NOP2: variants seen among roughly 807,000 people sequenced by gnomAD.
The protein encoded by NOP2 is 28S rRNA (cytosine(4447)-C(5))-methyltransferase.
In NOP2, 7 loss-of-function variants were observed where a neutral mutation model predicts 72.7. The ratio of observed to expected loss-of-function variants is 0.10; its 90% confidence interval spans 0.05 to 0.18. The LOEUF (loss-of-function observed/expected upper bound fraction) is 0.18. NOP2 is among the 10% of genes least tolerant of loss of function. NOP2 has a pLI of 1.00. For synonymous variants in NOP2, 387 were observed against 388.0 expected (o/e 1.00, Z 0.03); for missense variants, 954 against 1,014.7 (o/e 0.94, Z 0.81).
chr12:6,563,590 C>G, intron 7 of NOP2, 24 bp downstream of exon 7: 4 of 1,608,500 alleles, frequency 2.5e-6, no homozygotes, highest in Non-Finnish European at 3.4e-6. Context: ...CCTCCTAACT[C>G]TTCACTCTGC....
At position 6,561,856 on chromosome 12, in the gene NOP2, G is replaced by A. The variant is rs568118821; in HGVS notation, c.1066+28C>T. On this transcript the variant is annotated intron_variant, in intron 10 of 15. Coordinates refer to ENST00000322166, the MANE Select transcript of NOP2 (RefSeq NM_001258308.2). ...TGCGGTAGGGACAGGGACAGAGGTAGAAGGGCTCTTGGGTGGGGGAGACTT... is the reference window on the plus strand; with the variant it reads ...TGCGGTAGGGACAGGGACAGAGGTAAAAGGGCTCTTGGGTGGGGGAGACTT... 582 of 1,609,830 alleles carry A rather than the reference G, an allele frequency of 3.6e-4. 8 individuals carry two copies. In the South Asian group the frequency reaches 5.5e-3, roughly 15 times the overall value.
In NOP2 at chr12:6,560,033, C is replaced by T; in HGVS notation, c.1789+65G>A. ...TTCCTTTCCCTTCCTCTTGTCACAC[C>T]ATAAAGCCTCCTGAAAGGTGGAAAG... On this transcript the variant is annotated intron_variant, in intron 15 of 15. Coordinates refer to ENST00000322166, the MANE Select transcript of NOP2 (RefSeq NM_001258308.2). This position sits in a 1 kb window ranked among gnomAD's most constrained non-coding sequence, Gnocchi z 5.0. 8.2e-7 allele frequency: 1 copy of T among 1,213,222 alleles called. No homozygotes were observed. Among genetic ancestry groups the T allele is most frequent in the South Asian group, 1.2e-5 (1 of 80,092 alleles). 75.2% of individuals were successfully genotyped at this position (1,213,222 alleles called of 1,614,324 possible).
At chr12:6,564,681 G>A (rs533469577) in intron 5 of NOP2, among the ~76,000 whole-genome samples, 33 of 151,132 alleles carry the variant, frequency 2.2e-4, no homozygotes, top group African/African-American at 3.2e-4. Context: ...CGCCCACCTC[G>A]GCCTCCCAAA....
rs1251899767 is a variant in NOP2 at position 6,560,855 on chromosome 12, G to C, written c.1348-68C>G. The C allele has an allele frequency of 1.2e-6, 2 of 1,608,216 alleles. No homozygotes were observed. Among genetic ancestry groups the C allele is most frequent in the African/African-American group, 2.7e-5 (2 of 74,738 alleles). The stretch of plus-strand genomic sequence containing the variant: ...CAGCAGGGCAATATTTACTAGGGTC[G>C]AGTCTAAACATTGAGGTCAGGAAGG... On this transcript the variant is annotated intron_variant, in intron 12 of 15. Transcript: ENST00000322166. The surrounding 1 kb of genome is among the most constrained non-coding windows in gnomAD (Gnocchi z 5.0).
chr12:6,563,756 T>C lies in NOP2; in HGVS notation c.546A>G (p.Glu182=). The change falls in exon 7 of 16, where the codon GAA becomes GAG. Residue 182 remains glutamate, a synonymous_variant. Coordinates refer to ENST00000322166, the MANE Select transcript of NOP2 (RefSeq NM_001258308.2). ...REAAAGIQWS[E]EETEDEEEEK... ...CTTCCTCCTCGTCCTCGGTCTCCTC[T>C]TCACTCCACTGGATCCTAGAAACAG... 6.2e-7 allele frequency: 1 copy of C among 1,613,254 alleles called. No individual in the cohort carries two copies. Among genetic ancestry groups the C allele is most frequent in the Admixed American group, 1.7e-5 (1 of 59,950 alleles).
Position 6,557,387 on chromosome 12 carries a change from G to T in NOP2, c.2045C>A (p.Pro682Gln). Residue 682 changes from proline to glutamine, a missense_variant, in exon 16 of 16, where the codon CCA becomes CAA. Around this residue, in one of 3 missense-constraint regions of NOP2, gnomAD observed 269 missense variants for 260.2 expected, o/e 1.03. Coordinates refer to ENST00000322166, the MANE Select transcript of NOP2 (RefSeq NM_001258308.2). ...CCTGATCCCTTCGGCTTTTCCAGCT[G>T]GCTGACTGCTATCCTGGAAGCTGGA... is the stretch of plus-strand genomic sequence containing the variant. ...ASSSFQDSSQ[P>Q]AGKAEGIREP... is the part of the protein sequence containing the mutation. The T allele has an allele frequency of 1.2e-6, 2 of 1,614,046 alleles. No homozygotes were observed. Among genetic ancestry groups the T allele is most frequent in the Non-Finnish European group, 1.7e-6 (2 of 1,179,900 alleles).
rs199554499 is a variant in NOP2 at position 6,563,451 on chromosome 12, C to G, written c.752G>C (p.Arg251Pro). The G allele has an allele frequency of 3.7e-4, 601 of 1,611,262 alleles. 3 individuals are homozygous for G. The highest frequency in any genetic ancestry group is 7.7e-5 in the Non-Finnish European group (91 of 1,178,810). Residue 251 changes from arginine (R) to proline (P), a missense_variant, in exon 8 of 16, where the codon CGT (arginine) becomes CCT (proline). By Grantham distance (103) the Arg-to-Pro change is moderately radical. Coordinates refer to ENST00000322166, the MANE Select transcript of NOP2 (RefSeq NM_001258308.2). Reference sequence around the variant, plus strand: ...TTCCTCCCGCTGAGCCCCAAAATCACGCAGAATTCCCACAATATCCTGGAT... The same window carrying G: ...TTCCTCCCGCTGAGCCCCAAAATCAGGCAGAATTCCCACAATATCCTGGAT... ...KRIQDIVGILRDFGAQREEGR... is the reference protein window; with the variant it reads ...KRIQDIVGILPDFGAQREEGR...
At position 6,563,154 on chromosome 12, in the gene NOP2, T is replaced by C; in HGVS notation, c.905A>G (p.Glu302Gly). 2.5e-6 allele frequency: 4 copies of C among 1,594,090 alleles called. No homozygotes were observed. Among genetic ancestry groups the C allele is most frequent in the Non-Finnish European group, 3.4e-6 (4 of 1,170,550 alleles). Residue 302 changes from glutamate (E) to glycine (G), a missense_variant, in exon 9 of 16, where the codon GAA becomes GGA. This residue lies in a region of NOP2 where 498 missense variants were observed against 478.3 expected (regional missense o/e 1.04). Transcript: ENST00000322166. ...FPLSELVEFL[E>G]ANEVPRPVTL... ...GACGGGCCGAGGCACCTCATTAGCT[T>C]CTAAGAACTCCACCAGCTGCGGGGC...
intron 4 of NOP2, 78 bp from the exon 5 acceptor site, chr12:6,566,414 C>T (rs904215568): frequency 1.3e-6 from 2 of 1,490,236 alleles, no homozygotes; most frequent in South Asian, 2.3e-5. Flanking sequence ...GTACTTTCTA[C>T]CCCTCAGAAT....
chr12:6,563,001 G>C, intron 9 of NOP2, 80 bp downstream of exon 9: 2 of 1,372,860 alleles, frequency 1.5e-6, no homozygotes, highest in Non-Finnish European at 2.0e-6. Flanking sequence ...CACCCAGTCA[G>C]GGTAGCACAG....
chr12:6,561,002 C>A lies in NOP2; in HGVS notation c.1276G>T (p.Val426Leu). 1 of 1,614,010 alleles carries A rather than the reference C, an allele frequency of 6.2e-7. No individual in the cohort carries two copies. Among genetic ancestry groups the A allele is most frequent in the African/African-American group, 1.3e-5 (1 of 75,044 alleles). Residue 426 changes from valine (V) to leucine (L), a missense_variant, in exon 12 of 16, where the codon GTG (valine) becomes TTG (leucine). By Grantham distance (32) the Val-to-Leu change is conservative. Around this residue, in one of 3 missense-constraint regions of NOP2, gnomAD observed 187 missense variants for 276.2 expected, o/e 0.68. Transcript: ENST00000322166. ...DANAERLKSVVGNLHRLGVTN... is the reference protein window; with the variant it reads ...DANAERLKSVLGNLHRLGVTN... Reference sequence around the variant, plus strand: ...ACTCCCAGCCGATGCAAGTTGCCCACAACACTCTTGAGCCGCTCAGCATTG... The same window carrying A: ...ACTCCCAGCCGATGCAAGTTGCCCAAAACACTCTTGAGCCGCTCAGCATTG...
chr12:6,566,143 A>G lies in NOP2; in HGVS notation c.432T>C (p.Tyr144=), dbSNP rs1157150081. 1 of 1,613,822 alleles carries G rather than the reference A, an allele frequency of 6.2e-7. No homozygotes were observed. The highest frequency in any genetic ancestry group is 8.5e-7 in the Non-Finnish European group (1 of 1,179,864). Residue 144 remains tyrosine, a synonymous_variant, in exon 5 of 16, where the codon TAT becomes TAC. Transcript: ENST00000322166. ...CATCCTCAGAGTTGGAGTCAGCTCC[A>G]TAGTCATCTACCGTATCAGCATCGT... ...SEDDADTVDD[Y]GADSNSEDEE...
Position 6,560,118 on chromosome 12 carries a change from G to A in NOP2, c.1769C>T (p.Ser590Phe), listed in dbSNP as rs1947605572. 3.1e-6 allele frequency: 5 copies of A among 1,613,752 alleles called. No homozygotes were observed. In the East Asian group the frequency reaches 1.1e-4, roughly 36 times the overall value. Residue 590 changes from serine (S) to phenylalanine (F), a missense_variant, in exon 15 of 16, where the codon TCT becomes TTT. Transcript: ENST00000322166. The surrounding 1 kb of genome is among the most constrained non-coding windows in gnomAD (Gnocchi z 5.0). ...CTTACCTGTCTGGGACTGAGGGATA[G>A]AATTGGAAAATTTCTTGAACTTGGC... ...FIAKFKKFSN[S>F]IPQSQTGNSE...
chr12:6,564,550 C>G (rs1052569756), intron 5 of NOP2, among the ~76,000 whole-genome samples: 4 of 151,826 alleles, frequency 2.6e-5, no homozygotes, highest in African/African-American at 9.7e-5. Flanking sequence ...GCCTCAGCCT[C>G]CCAAGTAGCT....
intron 4 of NOP2, 52 bp from the exon 5 acceptor site, chr12:6,566,388 C>G: frequency 6.6e-7 from 1 of 1,519,108 alleles, no homozygotes; most frequent in Admixed American, 1.8e-5. Context: ...TCCCTGGCCC[C>G]ACACCCTGGG....
At position 6,560,563 on chromosome 12, in the gene NOP2, T is replaced by C; in HGVS notation, c.1444A>G (p.Lys482Glu). The C allele has an allele frequency of 2.5e-6, 4 of 1,597,014 alleles. No individual in the cohort carries two copies. Among genetic ancestry groups the C allele is most frequent in the East Asian group, 4.5e-5 (2 of 44,470 alleles). The change falls in exon 14 of 16, where the codon AAG becomes GAG. Residue 482 changes from lysine (K) to glutamate (E), a missense_variant. Physicochemically the swap from Lys to Glu is moderately conservative, Grantham distance 56. This residue lies in a region of NOP2 where 187 missense variants were observed against 276.2 expected (regional missense o/e 0.68). Coordinates refer to ENST00000322166, the MANE Select transcript of NOP2 (RefSeq NM_001258308.2). The surrounding 1 kb of genome is among the most constrained non-coding windows in gnomAD (Gnocchi z 5.0). Reference protein sequence around the residue: ...DPAVKTNKDEKDILRCAHLQK... With the variant: ...DPAVKTNKDEEDILRCAHLQK... ...AGGTGAGCACAGCGCAGGATGTCCT[T>C]CTCATCCTGTCCCAAAAAGAGACCC...
In NOP2 at chr12:6,557,433, C is replaced by CA. The variant is rs1947517850; in HGVS notation, c.1998dup (p.Val667CysfsTer13). On this transcript the variant is annotated frameshift_variant, in exon 16 of 16. Transcript: ENST00000322166. LOFTEE classifies it low-confidence loss of function (END_TRUNC). ...CTGGAGGAAGCTTGGGTCTTTGTGA[C>CA]AGAAGGTACAGTGGACAATTCTGAG... 1 of 1,614,018 alleles carries CA rather than the reference C, an allele frequency of 6.2e-7. No homozygotes were observed. Among genetic ancestry groups the CA allele is most frequent in the Non-Finnish European group, 8.5e-7 (1 of 1,179,908 alleles).
At chr12:6,564,866 T>C (rs1947738823) in intron 5 of NOP2, among the ~76,000 whole-genome samples, 2 of 151,592 alleles carry the variant, frequency 1.3e-5, no homozygotes, top group African/African-American at 4.8e-5. Context: ...AACTGCATCA[T>C]ATGCATGAAC....
intron 1 of NOP2, 135 bp downstream of exon 1, chr12:6,568,072 A>ACTC: frequency 4.8e-6 from 3 of 619,552 alleles, no homozygotes; most frequent in Non-Finnish European, 8.5e-6. Context: ...CCCGCGACTC[A>ACTC]AGCACCCCCG....
Sources: allele counts gnomAD v4.1 joint callset (sites outside exome capture counted in the v4.1 genomes callset), GRCh38; gene constraint gnomAD v4.1.1; regional missense constraint gnomAD v4.1.1; non-coding constraint Gnocchi (gnomAD v3.1); transcripts MANE v1.5; gene names NCBI Gene and HGNC (gene_info 2026-07-23, HGNC 2026-07-21).